DPYSL2: variants seen among roughly 807,000 people sequenced by gnomAD.
The protein encoded by DPYSL2 is dihydropyrimidinase-related protein 2.
Under a neutral mutation model 69.9 loss-of-function variants are expected in DPYSL2, and 13 were observed. That is an observed-to-expected ratio of 0.19 (90% CI 0.12 to 0.30). The LOEUF is 0.30. Ranked by LOEUF, DPYSL2 falls within the 10% of genes least tolerant of loss-of-function variation. The pLI is 1.00. For synonymous variants in DPYSL2, 326 were observed against 359.1 expected (o/e 0.91, Z 1.04); for missense variants, 587 against 918.9 (o/e 0.64, Z 4.67).
intron 1 of DPYSL2, among the ~76,000 whole-genome samples, chr8:26,534,818 G>T (rs556511257): frequency 6.6e-6 from 1 of 151,850 alleles, no homozygotes; most frequent in Admixed American, 6.6e-5. Context: ...ATTATGTTTT[G>T]TTGAGATGGG....
rs2129991791 is a variant in DPYSL2, at chr8:26,650,596, A to AT, written c.1597-1657dup. On this transcript the variant is annotated intron_variant, in intron 11 of 13. Coordinates refer to ENST00000521913, the MANE Select transcript of DPYSL2 (RefSeq NM_001197293.3). The surrounding 1 kb of genome is among the most constrained non-coding windows in gnomAD (Gnocchi z 5.3). ...TTTTACCGTATCTGAGATGCCATCG[A>AT]TTTTAAGATATTCCATTAGGTTATG... Among the ~76,000 whole-genome samples, 1 of 152,340 alleles carries AT rather than the reference A, an allele frequency of 6.6e-6. No homozygotes were observed. Among genetic ancestry groups the AT allele is most frequent in the South Asian group, 2.1e-4 (1 of 4,828 alleles).
At chr8:26,523,568 T>C (rs1257753668) in intron 1 of DPYSL2, among the ~76,000 whole-genome samples, 1 of 152,064 alleles carries the variant, frequency 6.6e-6, no homozygotes, top group African/African-American at 2.4e-5. Context: ...AATCAAAGAG[T>C]ATGTGTCTTT....
At chr8:26,581,777 G>T (rs1801498742) in intron 1 of DPYSL2, among the ~76,000 whole-genome samples, 192 bp from the exon 2 acceptor site, 1 of 151,884 alleles carries the variant, frequency 6.6e-6, no homozygotes, top group Admixed American at 6.6e-5. Context: ...AGCTGTCCCT[G>T]TGTGTTCTGA....
rs916745701 is a variant in DPYSL2, at chr8:26,586,524, C to G, written c.628+2541C>G. 1.3e-5 allele frequency among the ~76,000 whole-genome samples: 2 copies of G among 152,184 alleles called. No homozygotes were observed. The highest frequency in any genetic ancestry group is 2.9e-5 in the Non-Finnish European group (2 of 68,030). ...CACGCTCGCCCCGTGCTTAGGCCCCCACTCTTGTTCTTGTTTTTGACTCTT... is the reference window on the plus strand; with the variant it reads ...CACGCTCGCCCCGTGCTTAGGCCCCGACTCTTGTTCTTGTTTTTGACTCTT... On this transcript the variant is annotated intron_variant, in intron 3 of 13. Coordinates refer to ENST00000521913, the MANE Select transcript of DPYSL2 (RefSeq NM_001197293.3). The surrounding 1 kb of genome is among the most constrained non-coding windows in gnomAD (Gnocchi z 4.7).
chr8:26,638,519 G>T (rs1432866680), intron 8 of DPYSL2, among the ~76,000 whole-genome samples: 1 of 152,152 alleles, frequency 6.6e-6, no homozygotes, highest in African/African-American at 2.4e-5. Context: ...GCTTGAGCCA[G>T]CACGACTGCA....
chr8:26,649,836 C>G (rs1213983590), intron 11 of DPYSL2, among the ~76,000 whole-genome samples: 3 of 152,180 alleles, frequency 2.0e-5, no homozygotes, highest in African/African-American at 4.8e-5. Flanking sequence ...CTCCCTGCAT[C>G]ATGGTTTGAT....
rs1192052043 is a variant in DPYSL2 at position 26,560,267 on chromosome 8, A to G, written c.355-21702A>G. Among the ~76,000 whole-genome samples the G allele has an allele frequency of 2.0e-5, 3 of 152,210 alleles. No homozygotes were observed. The highest frequency in any genetic ancestry group is 2.9e-5 in the Non-Finnish European group (2 of 68,036). On this transcript the variant is annotated intron_variant, in intron 1 of 13. Coordinates refer to ENST00000521913, the MANE Select transcript of DPYSL2 (RefSeq NM_001197293.3). The surrounding 1 kb of genome is among the most constrained non-coding windows in gnomAD (Gnocchi z 4.4). ...AGGGTATATTTCCATTCTCCAGGTC[A>G]GGCCTTCCATGGATTATTTACAGAA...
chr8:26,545,135 C>T (rs1033782535), intron 1 of DPYSL2, among the ~76,000 whole-genome samples: 2 of 152,154 alleles, frequency 1.3e-5, no homozygotes, highest in Non-Finnish European at 2.9e-5. Context: ...GAAACACTGA[C>T]TTGAACAACA....
chr8:26,561,236 A>G (rs1164907209), intron 1 of DPYSL2, among the ~76,000 whole-genome samples: 2 of 152,266 alleles, frequency 1.3e-5, no homozygotes. Flanking sequence ...TTGGTGTCCA[A>G]TACATGCTAC....
chr8:26,540,648 G>T (rs1585497195), intron 1 of DPYSL2, among the ~76,000 whole-genome samples: 3 of 152,190 alleles, frequency 2.0e-5, no homozygotes, highest in Middle Eastern at 3.2e-3. Context: ...GCTCACACCT[G>T]TAATCCTAGC....
Position 26,626,346 on chromosome 8 carries a change from T to C in DPYSL2, c.794-271T>C, listed in dbSNP as rs1036815548. 3.3e-5 allele frequency among the ~76,000 whole-genome samples: 5 copies of C among 152,220 alleles called. No homozygotes were observed. The highest frequency in any genetic ancestry group is 7.3e-5 in the Non-Finnish European group (5 of 68,034). On this transcript the variant is annotated intron_variant, in intron 4 of 13. Coordinates refer to ENST00000521913, the MANE Select transcript of DPYSL2 (RefSeq NM_001197293.3). This position sits in a 1 kb window ranked among gnomAD's most constrained non-coding sequence, Gnocchi z 4.3. The stretch of plus-strand genomic sequence containing the variant: ...TTTTAATTTTGATATACTTGTAAAC[T>C]TACAGGAAGATTATAAGAATACTAA...
intron 1 of DPYSL2, among the ~76,000 whole-genome samples, chr8:26,531,174 A>C (rs551495949): frequency 5.1e-4 from 78 of 152,208 alleles, no homozygotes; most frequent in African/African-American, 1.8e-3. Context: ...TCAATACATG[A>C]ATTTTGGGGG....
At chr8:26,549,611 G>A (rs1041189352) in intron 1 of DPYSL2, among the ~76,000 whole-genome samples, 1 of 151,892 alleles carries the variant, frequency 6.6e-6, no homozygotes, top group Non-Finnish European at 1.5e-5. Flanking sequence ...TCTATCCCTG[G>A]GCATATCACA....
At chr8:26,555,521 A>T (rs971596687) in intron 1 of DPYSL2, among the ~76,000 whole-genome samples, 1 of 152,190 alleles carries the variant, frequency 6.6e-6, no homozygotes, top group Non-Finnish European at 1.5e-5. Context: ...AAAAAATTAG[A>T]TATAAATCTA....
intron 11 of DPYSL2, among the ~76,000 whole-genome samples, chr8:26,651,682 T>G (rs1233963697): frequency 6.6e-6 from 1 of 152,190 alleles, no homozygotes; most frequent in African/African-American, 2.4e-5. Flanking sequence ...CGGAAAAACT[T>G]GAAACCAGAA....
Position 26,617,641 on chromosome 8 carries a change from C to T in DPYSL2, c.629-6502C>T, listed in dbSNP as rs1455213134. 6.6e-6 allele frequency among the ~76,000 whole-genome samples: 1 copy of T among 152,182 alleles called. No homozygotes were observed. The highest frequency in any genetic ancestry group is 2.4e-5 in the African/African-American group (1 of 41,434). ...CTTTGCTAATATCCAAAATGCAGAA[C>T]ATTAGGGAACCGCTTGAGGCAGGAG... On this transcript the variant is annotated intron_variant, in intron 3 of 13. Transcript: ENST00000521913. This position sits in a 1 kb window ranked among gnomAD's most constrained non-coding sequence, Gnocchi z 4.7.
At chr8:26,526,832 A>G (rs1292220009) in intron 1 of DPYSL2, among the ~76,000 whole-genome samples, 1 of 152,202 alleles carries the variant, frequency 6.6e-6, no homozygotes, top group Non-Finnish European at 1.5e-5. Context: ...CCTCTGTCCA[A>G]GGGTATGAGA....
intron 7 of DPYSL2, among the ~76,000 whole-genome samples, chr8:26,628,264 T>C (rs770067014): frequency 2.0e-5 from 3 of 152,242 alleles, no homozygotes; most frequent in Non-Finnish European, 4.4e-5. Flanking sequence ...TCACAACTTA[T>C]GGTCTCCAAT....
rs148673888 is a variant in DPYSL2 at position 26,644,500 on chromosome 8, G to C, written c.1425+409G>C. Among the ~76,000 whole-genome samples the C allele has an allele frequency of 3.1e-3, 477 of 151,654 alleles. 4 individuals carry two copies. Among genetic ancestry groups the C allele is most frequent in the African/African-American group, 0.011 (463 of 41,290 alleles). On this transcript the variant is annotated intron_variant, in intron 10 of 13. Coordinates refer to ENST00000521913, the MANE Select transcript of DPYSL2 (RefSeq NM_001197293.3). This position sits in a 1 kb window ranked among gnomAD's most constrained non-coding sequence, Gnocchi z 4.5. ...TTTTTTTTTATTTTTTGTGGAGATGGGGGTCTCACTATGTTGCCCAGGCTG... is the reference window on the plus strand; with the variant it reads ...TTTTTTTTTATTTTTTGTGGAGATGCGGGTCTCACTATGTTGCCCAGGCTG...
Sources: allele counts gnomAD v4.1 joint callset (sites outside exome capture counted in the v4.1 genomes callset), GRCh38; gene constraint gnomAD v4.1.1; non-coding constraint Gnocchi (gnomAD v3.1); transcripts MANE v1.5; gene names NCBI Gene and HGNC (gene_info 2026-07-23, HGNC 2026-07-21).